Variants in PRELID2 observed in about 807,000 individuals in gnomAD.
PRELID2 encodes the protein PRELI domain containing 2.
A neutral mutation model predicts 28.4 loss-of-function variants in PRELID2; 25 were observed. The observed-to-expected ratio is 0.88, with a 90% CI of 0.64 to 1.23. PRELID2 has a LOEUF of 1.23. Ranked by LOEUF, PRELID2 falls within the 50% of genes most tolerant of loss-of-function variation. The pLI is 0.00. For synonymous variants in PRELID2, 76 were observed against 71.6 expected (o/e 1.06, Z -0.31); for missense variants, 201 against 214.4 (o/e 0.94, Z 0.39).
At chr5:145,351,956 G>A in the PRELID2 span, among the ~76,000 whole-genome samples, 1 of 152,196 alleles carries the variant, frequency 6.6e-6, no homozygotes, top group African/African-American at 2.4e-5. Context: ...GCTGATGCAA[G>A]AGCTGGGCTC....
At chr5:145,309,397 G>A in the PRELID2 span, among the ~76,000 whole-genome samples, 5 of 152,136 alleles carry the variant, frequency 3.3e-5, no homozygotes, top group Non-Finnish European at 7.4e-5. Flanking sequence ...TGTTCATGTT[G>A]GATAGCAGTG....
the PRELID2 span, among the ~76,000 whole-genome samples, chr5:145,295,207 T>C: frequency 6.6e-6 from 1 of 152,168 alleles, no homozygotes; most frequent in Admixed American, 6.6e-5. Flanking sequence ...AATTCCTGCA[T>C]GCATAGCCCT....
At chr5:145,592,512 C>T (rs763976368) in intron 1 of PRELID2, among the ~76,000 whole-genome samples, 135 of 151,686 alleles carry the variant, frequency 8.9e-4, no homozygotes, top group Non-Finnish European at 1.8e-3. Flanking sequence ...GGAGTGATGA[C>T]CACAGCAGAA....
chr5:145,567,327 G>A (rs1752975285), intron 1 of PRELID2, among the ~76,000 whole-genome samples: 1 of 147,596 alleles, frequency 6.8e-6, no homozygotes, highest in Non-Finnish European at 1.5e-5. Flanking sequence ...ATGACAGTGA[G>A]TTATCATGAG....
Position 145,796,536 on chromosome 5 carries a change from A to G in PRELID2, c.380T>C (p.Ile127Thr), listed in dbSNP as rs1449322909. Residue 127 changes from isoleucine (I) to threonine (T), a missense_variant, in exon 5 of 7, where the codon ATT becomes ACT. Ile to Thr is a moderately conservative substitution (Grantham distance 89). Transcript: ENST00000683046. ...TGTGATTGAAATCCTGCCTCTTTGA[A>G]TGAACTCTGTCCTGCAAAAAAAACA... ...SMENPNWTEFIQRGRISITGV... is the reference protein window; with the variant it reads ...SMENPNWTEFTQRGRISITGV... 6.2e-7 allele frequency: 1 copy of G among 1,605,684 alleles called. No homozygotes were observed. Among genetic ancestry groups the G allele is most frequent in the East Asian group, 2.2e-5 (1 of 44,514 alleles).
At chr5:145,382,039 A>G in the PRELID2 span, among the ~76,000 whole-genome samples, 4 of 152,028 alleles carry the variant, frequency 2.6e-5, no homozygotes, top group Non-Finnish European at 2.9e-5. Context: ...ATTAAAACAA[A>G]AGGATGAATG....
chr5:145,509,137 A>G (rs1752439785), intron 1 of PRELID2, among the ~76,000 whole-genome samples: 1 of 152,172 alleles, frequency 6.6e-6, no homozygotes, highest in African/African-American at 2.4e-5. Context: ...GTCACAGGAA[A>G]ATTGGCTGTG....
At chr5:145,617,467 C>T (rs1753714664) in intron 1 of PRELID2, among the ~76,000 whole-genome samples, 1 of 152,182 alleles carries the variant, frequency 6.6e-6, no homozygotes, top group Non-Finnish European at 1.5e-5. Context: ...GCTTCAGCTG[C>T]TCCCTCCGTT....
At chr5:145,469,473 A>G (rs780663859), downstream of PRELID2, among the ~76,000 whole-genome samples, 1 of 152,078 alleles carries the variant, frequency 6.6e-6, no homozygotes, top group Non-Finnish European at 1.5e-5. Context: ...ATCACCTTAT[A>G]TGAAAGAATA....
At chr5:145,534,381 C>T (rs1343269529) in intron 1 of PRELID2, among the ~76,000 whole-genome samples, 1 of 151,986 alleles carries the variant, frequency 6.6e-6, no homozygotes, top group African/African-American at 2.4e-5. Flanking sequence ...ACAGTCTTAA[C>T]TATTTCACTT....
chr5:145,538,015 T>C (rs1752716256), intron 1 of PRELID2, among the ~76,000 whole-genome samples: 1 of 151,998 alleles, frequency 6.6e-6, no homozygotes, highest in African/African-American at 2.4e-5. Flanking sequence ...GATTTTTGTA[T>C]ATGGTGAGAT....
chr5:145,248,953 G>A, the PRELID2 span, among the ~76,000 whole-genome samples: 1 of 152,100 alleles, frequency 6.6e-6, no homozygotes, highest in Non-Finnish European at 1.5e-5. Context: ...TTCAGTGCCA[G>A]CCTATTATTT....
the PRELID2 span, among the ~76,000 whole-genome samples, chr5:145,244,592 G>A: frequency 6.6e-6 from 1 of 151,990 alleles, no homozygotes; most frequent in African/African-American, 2.4e-5. Flanking sequence ...CAGACCCAGG[G>A]ACTCAAGTAT....
In PRELID2 at chr5:145,604,882, C is replaced by CATATATATATATAT. The variant is rs35401852; in HGVS notation, n.71-131581_71-131568dup. Among the ~76,000 whole-genome samples the CATATATATATATAT allele has an allele frequency of 1.7e-3, 196 of 116,118 alleles. 4 individuals carry two copies. The highest frequency in any genetic ancestry group is 6.6e-3 in the African/African-American group (173 of 26,314). 76.2% of individuals were successfully genotyped at this position (116,118 alleles called of 152,430 possible). On this transcript the variant is annotated intron_variant and non_coding_transcript_variant, in intron 1 of 2. Transcript: ENST00000510259. Reference sequence around the variant, plus strand: ...ACCATATTTTAATATGCTTGTTGGCCATATATATATATATATATATATTCT... The same window carrying CATATATATATATAT: ...ACCATATTTTAATATGCTTGTTGGCCATATATATATATATATATATATATATATATATATATTCT...
At chr5:145,583,346 C>G (rs1753124569) in intron 1 of PRELID2, among the ~76,000 whole-genome samples, 1 of 152,066 alleles carries the variant, frequency 6.6e-6, no homozygotes, top group Non-Finnish European at 1.5e-5. Flanking sequence ...TACCGATGGG[C>G]AAAAACTTGG....
At chr5:145,617,332 A>G (rs1043633984) in intron 1 of PRELID2, among the ~76,000 whole-genome samples, 1 of 152,256 alleles carries the variant, frequency 6.6e-6, no homozygotes, top group Admixed American at 6.5e-5. Flanking sequence ...GTAAGTGTCC[A>G]TGAAATCTTC....
At chr5:145,315,064 C>CTTTTTT in the PRELID2 span, among the ~76,000 whole-genome samples, 7 of 100,584 alleles carry the variant, frequency 7.0e-5, no homozygotes, top group Non-Finnish European at 9.9e-5. Context: ...TACAATAATT[C>CTTTTTT]TTTTTTTTTT....
chr5:145,238,586 A>C, the PRELID2 span, among the ~76,000 whole-genome samples: 1 of 152,112 alleles, frequency 6.6e-6, no homozygotes, highest in Non-Finnish European at 1.5e-5. Context: ...AAATGACTAA[A>C]TGAATGAAAT....
chr5:145,366,791 G>A, the PRELID2 span, among the ~76,000 whole-genome samples: 1 of 151,792 alleles, frequency 6.6e-6, no homozygotes, highest in Non-Finnish European at 1.5e-5. Flanking sequence ...GGATGACACA[G>A]GATGAGAGAT....
Sources: gnomAD v4.1 joint callset for allele counts (sites outside exome capture counted in the v4.1 genomes callset) on GRCh38, gnomAD v4.1.1 for gene constraint, MANE v1.5 for transcripts, NCBI Gene and HGNC (gene_info 2026-07-23, HGNC 2026-07-21) for gene names.